Variants in IGBP1 observed in about 807,000 individuals in gnomAD.
IGBP1 encodes immunoglobulin binding protein 1.
IGBP1 carries 2 observed loss-of-function variants against 25.9 expected under a neutral mutation model. The ratio of observed to expected loss-of-function variants is 0.08; its 90% CI spans 0.03 to 0.24. The LOEUF (loss-of-function observed/expected upper bound fraction) is 0.24. IGBP1 is among the 10% of genes least tolerant of loss of function. The probability of loss-of-function intolerance (pLI) is 1.00; values close to 1 mark genes in which losing one functional copy is unlikely to be tolerated. For synonymous variants in IGBP1, 96 were observed against 93.4 expected (o/e 1.03, Z -0.16); for missense variants, 187 against 260.4 (o/e 0.72, Z 1.94).
At chrX:70,150,718 G>A in intron 6 of IGBP1, among the ~76,000 whole-genome samples, 1 of 112,064 alleles carries the variant, frequency 8.9e-6, no homozygotes, top group Non-Finnish European at 1.9e-5. Context: ...GTCACCAAAA[G>A]CAGGTGTAAG....
intron 6 of IGBP1, among the ~76,000 whole-genome samples, chrX:70,158,000 G>C (rs1466365765): frequency 8.9e-6 from 1 of 112,206 alleles, no homozygotes; most frequent in Non-Finnish European, 1.9e-5. Context: ...ATAAAAACAG[G>C]TAAGGGCAAA....
chrX:70,162,040 G>A (rs1000232609), intron 6 of IGBP1, among the ~76,000 whole-genome samples: 1 of 112,237 alleles, frequency 8.9e-6, no homozygotes, highest in African/African-American at 3.2e-5. Context: ...TTAATTTTAT[G>A]TAGATACTCC....
rs754111797 is a variant in IGBP1, at chrX:70,163,120, G to A, written c.872-2713G>A. 8.6e-4 allele frequency among the ~76,000 whole-genome samples: 96 copies of A among 111,089 alleles called. 1 individual carries two copies. The highest frequency in any genetic ancestry group is 2.9e-3 in the African/African-American group (90 of 30,616). On this transcript the variant is annotated intron_variant, in intron 6 of 6. Transcript: ENST00000356413. ...CAGGCCAGGCTCAAGCAATCCTCCT[G>A]CCTCAGCCTCTCGAGTGAGTAGGAC...
intron 4 of IGBP1, among the ~76,000 whole-genome samples, chrX:70,147,768 G>A (rs984700370): frequency 5.4e-5 from 6 of 111,856 alleles, no homozygotes; most frequent in Non-Finnish European, 9.4e-5. Flanking sequence ...GCTGCCACTT[G>A]TTCTTTGGTT....
chrX:70,146,864 T>C (rs769426397), intron 4 of IGBP1, 36 bp downstream of exon 4: 8 of 999,015 alleles, frequency 8.0e-6, no homozygotes, highest in Non-Finnish European at 1.1e-5. Flanking sequence ...GCCAGAGATT[T>C]GAGTATTCTA....
chrX:70,161,767 T>G (rs191030989), intron 6 of IGBP1, among the ~76,000 whole-genome samples: 201 of 111,300 alleles, frequency 1.8e-3, no homozygotes, highest in African/African-American at 6.0e-3. Flanking sequence ...CATCATAAAC[T>G]TGAAAAATCT....
intron 6 of IGBP1, among the ~76,000 whole-genome samples, chrX:70,161,250 G>A (rs2085269214): frequency 1.8e-5 from 2 of 112,134 alleles, no homozygotes; most frequent in Admixed American, 9.5e-5. Context: ...GGAACATCTT[G>A]TCATAAAAGA....
intron 3 of IGBP1, among the ~76,000 whole-genome samples, chrX:70,141,020 G>C (rs1221771110): frequency 9.0e-6 from 1 of 110,933 alleles, no homozygotes; most frequent in East Asian, 2.8e-4. Flanking sequence ...CAAGTTAAGG[G>C]AGAAGGAAGA....
At chrX:70,140,976 A>G (rs2147570720) in intron 3 of IGBP1, among the ~76,000 whole-genome samples, 1 of 111,278 alleles carries the variant, frequency 9.0e-6, no homozygotes, top group African/African-American at 3.3e-5. Context: ...AAAAACATGT[A>G]GACAGAAAAA....
At chrX:70,134,282 A>C (rs1569420694) in intron 2 of IGBP1, 147 bp downstream of exon 2, 1 of 583,676 alleles carries the variant, frequency 1.7e-6, no homozygotes, top group Non-Finnish European at 2.8e-6. Flanking sequence ...CATTGTTTAC[A>C]TTCCCCACCT....
intron 6 of IGBP1, among the ~76,000 whole-genome samples, chrX:70,158,209 G>A (rs191154624): frequency 8.9e-6 from 1 of 112,199 alleles, no homozygotes; most frequent in African/African-American, 3.2e-5. Flanking sequence ...GTCTGAAAGC[G>A]ATAGAGTAGT....
chrX:70,165,980 G>A lies in IGBP1; in HGVS notation c.1019G>A (p.Ter340=). The A allele has an allele frequency of 8.3e-7, 1 of 1,211,025 alleles. No individual in the cohort carries two copies. Among genetic ancestry groups the A allele is most frequent in the Non-Finnish European group, 1.1e-6 (1 of 895,034 alleles). Residue 340 remains the stop codon, a stop_retained_variant, in exon 7 of 7, where the codon TGA becomes TAA. Transcript: ENST00000356413. ...RGYGNRQNMG[*] ...TATGGGAACCGACAGAACATGGGCT[G>A]ATCTTCCCACAACACCACAGGACTG...
At chrX:70,139,081 A>G (rs189334566) in intron 3 of IGBP1, among the ~76,000 whole-genome samples, 2,597 of 111,703 alleles carry the variant, frequency 0.023, 89 homozygotes, top group African/African-American at 0.081. Context: ...AGCCTGAGGC[A>G]GGTGGATCAC....
At chrX:70,135,288 T>C (rs969843151) in intron 3 of IGBP1, among the ~76,000 whole-genome samples, 2 of 111,919 alleles carry the variant, frequency 1.8e-5, no homozygotes, top group African/African-American at 6.5e-5. Flanking sequence ...GTTTTTTTTG[T>C]TGTTGTTGTT....
At chrX:70,146,958 T>A in intron 4 of IGBP1, 130 bp downstream of exon 4, 3 of 514,238 alleles carry the variant, frequency 5.8e-6, no homozygotes, top group Non-Finnish European at 1.0e-5. Flanking sequence ...GAAGGGTCAC[T>A]AAGGTAGCTT....
At chrX:70,156,287 TA>T (rs202174045) in intron 6 of IGBP1, among the ~76,000 whole-genome samples, 6,480 of 74,210 alleles carry the variant, frequency 0.087, 282 homozygotes, top group Middle Eastern at 0.16. Context: ...TTCAATTTGT[TA>T]AAAAAAAAAA....
chrX:70,142,801 G>A (rs2085138948), intron 3 of IGBP1, among the ~76,000 whole-genome samples: 1 of 109,691 alleles, frequency 9.1e-6, no homozygotes, highest in African/African-American at 3.3e-5. Context: ...CCTGCGCAAC[G>A]AAGTGAGACC....
chrX:70,150,120 T>C, intron 5 of IGBP1, 90 bp from the exon 6 acceptor site: 2 of 550,308 alleles, frequency 3.6e-6, no homozygotes, highest in Non-Finnish European at 6.4e-6. Flanking sequence ...CAGACTTTGT[T>C]GTTAGAGAGA....
intron 3 of IGBP1, among the ~76,000 whole-genome samples, chrX:70,138,557 GA>G (rs767481889): frequency 5.8e-5 from 6 of 104,331 alleles, no homozygotes; most frequent in Non-Finnish European, 1.2e-4. Context: ...CAAAACAGAA[GA>G]ATATTTTTTA....
Sources: gnomAD v4.1 joint callset for allele counts (sites outside exome capture counted in the v4.1 genomes callset) on GRCh38, gnomAD v4.1.1 for gene constraint, MANE v1.5 for transcripts, NCBI Gene and HGNC (gene_info 2026-07-23, HGNC 2026-07-21) for gene names.